PIP4K2A: variants seen among roughly 807,000 people sequenced by gnomAD.
PIP4K2A encodes the protein phosphatidylinositol-5-phosphate 4-kinase type 2 alpha.
A neutral mutation model predicts 42.9 loss-of-function variants in PIP4K2A; 14 were observed. The ratio of observed to expected loss-of-function variants is 0.33; its 90% CI spans 0.22 to 0.51. PIP4K2A has a LOEUF of 0.51. PIP4K2A is among the 20% of genes least tolerant of loss of function. The probability of loss-of-function intolerance (pLI) is 0.97; values close to 1 mark genes in which losing one functional copy is unlikely to be tolerated. For missense variants in PIP4K2A, 434 were observed against 519.8 expected, an observed-to-expected ratio of 0.83 and a Z score of 1.61; for synonymous variants, 192 against 192.2, an observed-to-expected ratio of 1.00 and a Z score of 0.01.
chr10:22,639,552 C>T (rs199881876), intron 1 of PIP4K2A, among the ~76,000 whole-genome samples: 1 of 151,396 alleles, frequency 6.6e-6, no homozygotes, highest in East Asian at 1.9e-4. Context: ...CTCAAGAATA[C>T]AAATTGTCAA....
intron 1 of PIP4K2A, among the ~76,000 whole-genome samples, chr10:22,660,822 A>G (rs1324611530): frequency 6.6e-6 from 1 of 152,210 alleles, no homozygotes; most frequent in Non-Finnish European, 1.5e-5. Flanking sequence ...TAAAGCAAAA[A>G]AAAAAAAGTT....
intron 7 of PIP4K2A, among the ~76,000 whole-genome samples, chr10:22,546,950 T>G (rs1241156735): frequency 6.6e-6 from 1 of 152,238 alleles, no homozygotes; most frequent in African/African-American, 2.4e-5. Context: ...GGTCCCCTGC[T>G]TTTCTTCCTT....
intron 9 of PIP4K2A, 28 bp downstream of exon 9, chr10:22,539,943 G>A (rs759431566): frequency 2.5e-6 from 3 of 1,224,280 alleles, no homozygotes; most frequent in Non-Finnish European, 2.4e-6. Flanking sequence ...GAGAGAAAGA[G>A]AGAAGGAAAC....
At chr10:22,655,002 G>A (rs550915596) in intron 1 of PIP4K2A, among the ~76,000 whole-genome samples, 211 of 152,250 alleles carry the variant, frequency 1.4e-3, no homozygotes, top group African/African-American at 4.5e-3. Flanking sequence ...TACTTTAGAA[G>A]GCCAAGGAGG....
chr10:22,658,164 G>A (rs1024322017), intron 1 of PIP4K2A, among the ~76,000 whole-genome samples: 12 of 152,158 alleles, frequency 7.9e-5, no homozygotes, highest in African/African-American at 2.9e-4. Flanking sequence ...AGAATTTCAA[G>A]GTTTGCTCTA....
chr10:22,641,628 A>T (rs188509916), intron 1 of PIP4K2A, among the ~76,000 whole-genome samples: 11 of 151,364 alleles, frequency 7.3e-5, no homozygotes, highest in African/African-American at 2.2e-4. Context: ...TAAAAAAAAA[A>T]TTTTGTAGAG....
chr10:22,688,929 T>G (rs1251877985), intron 1 of PIP4K2A, among the ~76,000 whole-genome samples: 3 of 152,226 alleles, frequency 2.0e-5, no homozygotes, highest in Non-Finnish European at 2.9e-5. Flanking sequence ...AGGTCTGGGC[T>G]TGTTATAATT....
chr10:22,638,358 T>C (rs1380418492), intron 1 of PIP4K2A, among the ~76,000 whole-genome samples: 1 of 152,234 alleles, frequency 6.6e-6, no homozygotes, highest in African/African-American at 2.4e-5. Context: ...AGTTTCTATA[T>C]GGATGGCCAT....
At chr10:22,605,129 T>G (rs927820463) in intron 3 of PIP4K2A, among the ~76,000 whole-genome samples, 1 of 151,970 alleles carries the variant, frequency 6.6e-6, no homozygotes, top group Non-Finnish European at 1.5e-5. Flanking sequence ...AATATACGAC[T>G]GAGGAGGGAA....
Position 22,661,349 on chromosome 10 carries a change from CT to C in PIP4K2A, c.145-51633del, listed in dbSNP as rs374324575. ...TACCTATCTGTGAGGATGATGCTGC[CT>C]TTTTTTTTTTTTTTTTTTTTTTAAG... On this transcript the variant is annotated intron_variant, in intron 1 of 9. Transcript: ENST00000376573. Among the ~76,000 whole-genome samples, 630 of 99,818 alleles carry C rather than the reference CT, an allele frequency of 6.3e-3. 2 individuals carry two copies. The highest frequency in any genetic ancestry group is 0.017 in the African/African-American group (427 of 25,638). 65.5% of individuals were successfully genotyped at this position (99,818 alleles called of 152,430 possible). A position where few individuals can be genotyped will look rare whatever the true frequency, so the allele number is the denominator to read the frequency against.
Position 22,707,403 on chromosome 10 carries a change from C to T in PIP4K2A, c.144+6780G>A, listed in dbSNP as rs538790932. 2.6e-5 allele frequency among the ~76,000 whole-genome samples: 4 copies of T among 152,290 alleles called. No homozygotes were observed. The South Asian group carries it at 6.2e-4, about 24-fold the overall frequency. On this transcript the variant is annotated intron_variant, in intron 1 of 9. Coordinates refer to ENST00000376573, the MANE Select transcript of PIP4K2A (RefSeq NM_005028.5). ...GTGAGGCTTAGCTTTAGGTAAGTTA[C>T]TGTTTTAAAACTCCCTACAACATTT... is the stretch of plus-strand genomic sequence containing the variant.
rs1358976738 is a variant in PIP4K2A at position 22,537,617 on chromosome 10, G to A, written c.1141-336C>T. Among the ~76,000 whole-genome samples, 13 of 152,170 alleles carry A rather than the reference G, an allele frequency of 8.5e-5. 1 individual carries two copies. The highest frequency in any genetic ancestry group is 7.2e-4 in the Admixed American group (11 of 15,272). On this transcript the variant is annotated intron_variant, in intron 9 of 9. Transcript: ENST00000376573. Reference sequence around the variant, plus strand: ...AAGAGTGGAATTGTTCAGAAGTCACGGAAACAATACTTATGTTATACTTTT... The same window carrying A: ...AAGAGTGGAATTGTTCAGAAGTCACAGAAACAATACTTATGTTATACTTTT...
At chr10:22,620,044 T>C (rs1039964959) in intron 1 of PIP4K2A, among the ~76,000 whole-genome samples, 2 of 152,260 alleles carry the variant, frequency 1.3e-5, no homozygotes, top group African/African-American at 4.8e-5. Context: ...TTTTGATTAA[T>C]GGCTACTTGA....
intron 3 of PIP4K2A, among the ~76,000 whole-genome samples, chr10:22,599,752 T>C (rs890794439): frequency 7.9e-5 from 12 of 152,190 alleles, no homozygotes; most frequent in African/African-American, 2.7e-4. Context: ...CATAGCCAAA[T>C]ACCTTTCCTA....
intron 1 of PIP4K2A, among the ~76,000 whole-genome samples, chr10:22,640,980 T>A (rs1215335916): frequency 1.3e-5 from 2 of 152,136 alleles, no homozygotes; most frequent in African/African-American, 2.4e-5. Flanking sequence ...TTATTCATAT[T>A]CCATTTTGAA....
At chr10:22,692,958 G>T (rs543440837) in intron 1 of PIP4K2A, among the ~76,000 whole-genome samples, 1 of 152,188 alleles carries the variant, frequency 6.6e-6, no homozygotes, top group Non-Finnish European at 1.5e-5. Flanking sequence ...GGAGAAAGCC[G>T]TACCTCTGGG....
At chr10:22,628,981 AAC>A (rs1411229149) in intron 1 of PIP4K2A, among the ~76,000 whole-genome samples, 3 of 152,122 alleles carry the variant, frequency 2.0e-5, no homozygotes, top group African/African-American at 7.2e-5. Flanking sequence ...TTAACTTTGG[AAC>A]ACCCTTGGCC....
chr10:22,544,470 C>T (rs112027363), intron 7 of PIP4K2A, among the ~76,000 whole-genome samples: 4 of 152,092 alleles, frequency 2.6e-5, no homozygotes, highest in Non-Finnish European at 5.9e-5. Flanking sequence ...CTCCCTAGAT[C>T]TACGGCTTCC....
At chr10:22,676,500 T>G (rs1839562906) in intron 1 of PIP4K2A, among the ~76,000 whole-genome samples, 1 of 152,116 alleles carries the variant, frequency 6.6e-6, no homozygotes, top group South Asian at 2.1e-4. Context: ...AGGGGCATTC[T>G]AAAAATCTGA....
Sources: gnomAD v4.1 joint callset for allele counts (sites outside exome capture counted in the v4.1 genomes callset) on GRCh38, gnomAD v4.1.1 for gene constraint, MANE v1.5 for transcripts, NCBI Gene and HGNC (gene_info 2026-07-23, HGNC 2026-07-21) for gene names.